Variants in NIM1K observed in about 807,000 individuals in gnomAD.
The protein encoded by NIM1K is serine/threonine-protein kinase NIM1.
Under a neutral mutation model 37.1 loss-of-function variants are expected in NIM1K, and 35 were observed. The ratio of observed to expected loss-of-function variants is 0.94; its 90% CI spans 0.72 to 1.25. The LOEUF (loss-of-function observed/expected upper bound fraction) is 1.25. NIM1K is among the 50% of genes most tolerant of loss of function. The probability of loss-of-function intolerance (pLI) is 0.00; values close to 1 mark genes in which losing one functional copy is unlikely to be tolerated. For synonymous variants in NIM1K, 234 were observed against 206.6 expected (o/e 1.13, Z -1.14); for missense variants, 564 against 548.0 (o/e 1.03, Z -0.29).
At chr5:43,209,984 T>TG (rs1283567952) in intron 1 of NIM1K, among the ~76,000 whole-genome samples, 1 of 152,184 alleles carries the variant, frequency 6.6e-6, no homozygotes, top group African/African-American at 2.4e-5. Context: ...TCTTCCCTGG[T>TG]GCCCAGAATC....
At chr5:43,268,543 G>A (rs943241354) in intron 2 of NIM1K, among the ~76,000 whole-genome samples, 21 of 152,074 alleles carry the variant, frequency 1.4e-4, no homozygotes, top group Admixed American at 1.3e-4. Context: ...TGAAGCCATC[G>A]GTGTCAGACA....
At chr5:43,233,105 AG>A in intron 1 of NIM1K, 12 of 1,347,014 alleles carry the variant, frequency 8.9e-6, no homozygotes, top group Non-Finnish European at 1.3e-5. Context: ...TCCAGGCAGT[AG>A]GGCTCCCAGC....
intron 2 of NIM1K, among the ~76,000 whole-genome samples, chr5:43,272,899 A>G (rs1423720688): frequency 1.3e-5 from 2 of 152,062 alleles, no homozygotes; most frequent in Non-Finnish European, 2.9e-5. Context: ...AGCTACTCTT[A>G]AGGATTCACC....
chr5:43,245,904 C>T lies in NIM1K; in HGVS notation c.129C>T (p.Arg43=). Residue 43 remains arginine (R), a synonymous_variant, in exon 2 of 4, where the codon CGC becomes CGT. Transcript: ENST00000326035. ...SSKEGEEGQP[R]QLTPFEKLTQ... is the part of the protein sequence containing the mutation. ...AGGAGGGTGAGGAGGGACAGCCCCGCCAGCTGACGCCCTTCGAGAAACTGA... is the reference window on the plus strand; with the variant it reads ...AGGAGGGTGAGGAGGGACAGCCCCGTCAGCTGACGCCCTTCGAGAAACTGA... 1 of 1,614,092 alleles carries T rather than the reference C, an allele frequency of 6.2e-7. No homozygotes were observed. The highest frequency in any genetic ancestry group is 1.3e-5 in the African/African-American group (1 of 75,004).
rs778098351 is a variant in NIM1K at position 43,280,397 on chromosome 5, G to C, written c.979G>C (p.Gly327Arg). ...CATCATGAATGATGAATGGATGCAA[G>C]GGGTGCCATACCCTACACCTTTGGA... is the stretch of plus-strand genomic sequence containing the variant. ...DCIMNDEWMQ[G>R]VPYPTPLEPF... The change falls in exon 4 of 4, where the codon GGG becomes CGG. Residue 327 changes from glycine to arginine, a missense_variant. Gly to Arg is a moderately radical substitution (Grantham distance 125). Coordinates refer to ENST00000326035, the MANE Select transcript of NIM1K (RefSeq NM_153361.4). The C allele has an allele frequency of 1.9e-6, 3 of 1,614,132 alleles. No homozygotes were observed. The South Asian group carries it at 3.3e-5, about 18-fold the overall frequency.
intron 1 of NIM1K, chr5:43,232,767 G>A: frequency 8.7e-7 from 1 of 1,150,716 alleles, no homozygotes; most frequent in South Asian, 1.4e-5. Flanking sequence ...GGAAAAACAA[G>A]AAGCCTTGGC....
chr5:43,274,690 C>T (rs535612842), intron 2 of NIM1K, among the ~76,000 whole-genome samples: 143 of 152,344 alleles, frequency 9.4e-4, no homozygotes, highest in Admixed American at 1.8e-3. Flanking sequence ...TAGAGCTGCC[C>T]TCCCACCGCT....
At chr5:43,231,379 C>CAAAG (rs1049184554) in intron 1 of NIM1K, among the ~76,000 whole-genome samples, 3 of 152,060 alleles carry the variant, frequency 2.0e-5, no homozygotes, top group African/African-American at 7.2e-5. Context: ...TTATGTGTGT[C>CAAAG]AAAGAATGAG....
At position 43,241,985 on chromosome 5, in the gene NIM1K, G is replaced by C. The variant is rs140855057; in HGVS notation, c.-694-3097G>C. 2.7e-4 allele frequency among the ~76,000 whole-genome samples: 41 copies of C among 152,088 alleles called. 1 individual carries two copies. The East Asian group carries it at 4.6e-3, about 17-fold the overall frequency. On this transcript the variant is annotated intron_variant, in intron 1 of 3. Transcript: ENST00000326035. ...TTTTTCCCCAGTTGACTTGCTGGCTGTCCCAAGTTGCAATTCATCCTCAAT... is the reference window on the plus strand; with the variant it reads ...TTTTTCCCCAGTTGACTTGCTGGCTCTCCCAAGTTGCAATTCATCCTCAAT...
intron 1 of NIM1K, among the ~76,000 whole-genome samples, chr5:43,240,779 C>G (rs1752689054): frequency 6.6e-6 from 1 of 151,848 alleles, no homozygotes; most frequent in African/African-American, 2.4e-5. Flanking sequence ...TCAAATGATC[C>G]ACCCACCTCA....
intron 2 of NIM1K, among the ~76,000 whole-genome samples, chr5:43,272,782 G>A (rs945811671): frequency 1.3e-5 from 2 of 152,120 alleles, no homozygotes; most frequent in African/African-American, 2.4e-5. Context: ...AGTTTCAGAT[G>A]TCTGGCTTCT....
At chr5:43,200,727 G>C (rs1451273295) in intron 1 of NIM1K, among the ~76,000 whole-genome samples, 2 of 152,198 alleles carry the variant, frequency 1.3e-5, no homozygotes, top group Non-Finnish European at 2.9e-5. Context: ...GAATGAGTGT[G>C]AATTGACAAA....
intron 2 of NIM1K, among the ~76,000 whole-genome samples, chr5:43,269,674 A>G (rs1175943298): frequency 1.3e-5 from 2 of 151,684 alleles, no homozygotes; most frequent in African/African-American, 4.8e-5. Flanking sequence ...GCTGGAGTGC[A>G]GTGGCGAGAT....
At chr5:43,244,437 A>G (rs1385091519) in intron 1 of NIM1K, among the ~76,000 whole-genome samples, 2 of 152,228 alleles carry the variant, frequency 1.3e-5, no homozygotes, top group Non-Finnish European at 2.9e-5. Context: ...TTCCTGCTGG[A>G]GAGTGCAGAA....
intron 1 of NIM1K, among the ~76,000 whole-genome samples, chr5:43,217,409 A>G (rs1752315141): frequency 6.6e-6 from 1 of 150,554 alleles, no homozygotes; most frequent in Non-Finnish European, 1.5e-5. Context: ...TTTGGCTACT[A>G]TAAATAAAGC....
chr5:43,231,371 A>G (rs749275642), intron 1 of NIM1K, among the ~76,000 whole-genome samples: 1 of 152,054 alleles, frequency 6.6e-6, no homozygotes, highest in African/African-American at 2.4e-5. Flanking sequence ...TAATTTTCTT[A>G]TGTGTGTCAA....
intron 1 of NIM1K, among the ~76,000 whole-genome samples, chr5:43,204,331 A>AC (rs987819908): frequency 6.7e-6 from 1 of 150,252 alleles, no homozygotes. Context: ...TGATTCGCCC[A>AC]CCTCAGCCTC....
intron 1 of NIM1K, among the ~76,000 whole-genome samples, chr5:43,201,973 CAAAAA>C (rs1233857895): frequency 1.1e-5 from 1 of 89,028 alleles, no homozygotes. Context: ...GACTCCCTCT[CAAAAA>C]AAAAAAAAAA....
chr5:43,273,944 G>T lies in NIM1K; in HGVS notation c.293-3113G>T, dbSNP rs181168837. 4.1e-3 allele frequency among the ~76,000 whole-genome samples: 629 copies of T among 152,242 alleles called. 1 individual carries two copies. The highest frequency in any genetic ancestry group is 6.8e-3 in the Non-Finnish European group (460 of 68,016). ...TTTTTCACTGCCTGGTGTATAGTAG[G>T]TGCTCATTGAACATTTATTGAAAGA... On this transcript the variant is annotated intron_variant, in intron 2 of 3. Transcript: ENST00000326035.
Sources: allele counts gnomAD v4.1 joint callset (sites outside exome capture counted in the v4.1 genomes callset), GRCh38; gene constraint gnomAD v4.1.1; transcripts MANE v1.5; gene names NCBI Gene and HGNC (gene_info 2026-07-23, HGNC 2026-07-21).